The following CACNA1C variants were observed in gnomAD, a reference collection of about 807,000 sequenced individuals.
CACNA1C encodes voltage-dependent L-type calcium channel subunit alpha-1C.
A neutral mutation model predicts 229.0 loss-of-function variants in CACNA1C; 30 were observed. The observed-to-expected ratio is 0.13, with a 90% CI of 0.10 to 0.18. The LOEUF is 0.18. Ranked by LOEUF, CACNA1C falls within the 10% of genes least tolerant of loss-of-function variation. The probability of loss-of-function intolerance (pLI) is 1.00; values close to 1 mark genes in which losing one functional copy is unlikely to be tolerated. For missense variants in CACNA1C, 1,658 were observed against 2,845.0 expected (o/e 0.58, Z 9.49); for synonymous variants, 1,114 against 1,132.5 (o/e 0.98, Z 0.33).
chr12:2,342,530 C>T (rs1174456046), intron 3 of CACNA1C, among the ~76,000 whole-genome samples: 1 of 152,180 alleles, frequency 6.6e-6, no homozygotes, highest in African/African-American at 2.4e-5. Context: ...TAGCACAGTG[C>T]CTGGCACACT....
intron 9 of CACNA1C, among the ~76,000 whole-genome samples, chr12:2,524,814 G>A (rs941608614): frequency 3.9e-5 from 6 of 152,170 alleles, no homozygotes; most frequent in Non-Finnish European, 8.8e-5. Flanking sequence ...TCCCACTTCC[G>A]CCTGACTTCC....
rs1184647871 is a variant in CACNA1C at position 2,633,452 on chromosome 12, C to T, written c.3829-845C>T. 6.6e-6 allele frequency among the ~76,000 whole-genome samples: 1 copy of T among 152,176 alleles called. No homozygotes were observed. Among genetic ancestry groups the T allele is most frequent in the Non-Finnish European group, 1.5e-5 (1 of 68,020 alleles). ...GCGGGCAGTAGGGTTAGAGTGTCGC[C>T]TCCCTGCTGCTCCTTCCTTGCTGGT... On this transcript the variant is annotated intron_variant, in intron 29 of 46. Coordinates refer to ENST00000399655, the MANE Select transcript of CACNA1C (RefSeq NM_000719.7). This position sits in a 1 kb window ranked among gnomAD's most constrained non-coding sequence, Gnocchi z 5.8.
intron 3 of CACNA1C, among the ~76,000 whole-genome samples, chr12:2,253,973 G>C (rs1210828579): frequency 6.6e-6 from 1 of 152,186 alleles, no homozygotes; most frequent in African/African-American, 2.4e-5. Flanking sequence ...AACAGTACTG[G>C]GATCCAGGGG....
intron 1 of CACNA1C, among the ~76,000 whole-genome samples, chr12:2,025,287 G>A (rs1178690037): frequency 6.6e-6 from 1 of 152,220 alleles, no homozygotes; most frequent in African/African-American, 2.4e-5. Context: ...CAGAACATCT[G>A]GAAGAGCTGA....
At chr12:2,149,641 T>A (rs2095049474) in intron 3 of CACNA1C, among the ~76,000 whole-genome samples, 2 of 152,214 alleles carry the variant, frequency 1.3e-5, no homozygotes, top group Non-Finnish European at 2.9e-5. Flanking sequence ...GATTGGGACT[T>A]CCCTTGAGTA....
intron 9 of CACNA1C, among the ~76,000 whole-genome samples, chr12:2,516,222 A>G (rs534219448): frequency 6.6e-6 from 1 of 152,296 alleles, no homozygotes; most frequent in African/African-American, 2.4e-5. Flanking sequence ...GAAGGGGCCA[A>G]TGAGAAGGGG....
chr12:2,655,679 C>A (rs1028712963), intron 34 of CACNA1C, among the ~76,000 whole-genome samples: 5 of 152,300 alleles, frequency 3.3e-5, no homozygotes, highest in Non-Finnish European at 2.9e-5. Flanking sequence ...ATGCACTGGG[C>A]GTCATCCTCA....
chr12:2,349,717 C>T (rs948544713), intron 3 of CACNA1C, among the ~76,000 whole-genome samples: 14 of 152,058 alleles, frequency 9.2e-5, no homozygotes, highest in Non-Finnish European at 2.9e-5. Context: ...TCTGGAGCTA[C>T]GTGAGTTCTC....
In CACNA1C at chr12:2,545,485, G is replaced by A. The variant is rs944259281; in HGVS notation, c.1391-4458G>A. Among the ~76,000 whole-genome samples, 8 of 152,156 alleles carry A rather than the reference G, an allele frequency of 5.3e-5. No individual in the cohort carries two copies. The East Asian group carries it at 5.8e-4, about 11-fold the overall frequency. Reference sequence around the variant, plus strand: ...TGAACCACCACTGTGCCGTACGTTCGTTAGCAATTCCTGGGCCAAATGAGC... The same window carrying A: ...TGAACCACCACTGTGCCGTACGTTCATTAGCAATTCCTGGGCCAAATGAGC... On this transcript the variant is annotated intron_variant, in intron 9 of 46. Coordinates refer to ENST00000399655, the MANE Select transcript of CACNA1C (RefSeq NM_000719.7).
intron 28 of CACNA1C, 84 bp from the exon 29 acceptor site, chr12:2,611,819 C>T: frequency 1.2e-6 from 1 of 818,880 alleles, no homozygotes; most frequent in Non-Finnish European, 2.0e-6. Context: ...GAGGCGAGGG[C>T]CTTCGAGAAG....
At chr12:2,360,156 AC>A (rs796441635) in intron 3 of CACNA1C, among the ~76,000 whole-genome samples, 707 of 57,064 alleles carry the variant, frequency 0.012, 11 homozygotes, top group East Asian at 0.027. Flanking sequence ...AACACACCCC[AC>A]CCCCCCCCAC....
At chr12:2,127,770 C>A (rs553646510) in intron 3 of CACNA1C, among the ~76,000 whole-genome samples, 2 of 152,210 alleles carry the variant, frequency 1.3e-5, no homozygotes, top group African/African-American at 2.4e-5. Context: ...GCCAGAGTTG[C>A]AGGCACTGAC....
intron 10 of CACNA1C, among the ~76,000 whole-genome samples, chr12:2,552,588 G>T (rs1325918460): frequency 6.6e-6 from 1 of 152,146 alleles, no homozygotes; most frequent in East Asian, 1.9e-4. Context: ...GCTCCTGAAG[G>T]ATCACTGCGA....
intron 28 of CACNA1C, 49 bp from the exon 29 acceptor site, chr12:2,611,854 A>G: frequency 8.4e-7 from 1 of 1,194,070 alleles, no homozygotes; most frequent in East Asian, 2.4e-5. Context: ...GGGGAGGAGG[A>G]GCGACCTCCC....
At chr12:2,228,890 A>G (rs2063837528) in intron 3 of CACNA1C, among the ~76,000 whole-genome samples, 1 of 152,196 alleles carries the variant, frequency 6.6e-6, no homozygotes, top group African/African-American at 2.4e-5. Context: ...TAACATCTCT[A>G]ACAGTGAGTG....
rs532766097 is a variant in CACNA1C, at chr12:2,597,015, C to T, written c.2794-215C>T. Among the ~76,000 whole-genome samples the T allele has an allele frequency of 6.6e-6, 1 of 152,172 alleles. No individual in the cohort carries two copies. The highest frequency in any genetic ancestry group is 6.5e-5 in the Admixed American group (1 of 15,286). On this transcript the variant is annotated intron_variant, in intron 20 of 46. Coordinates refer to ENST00000399655, the MANE Select transcript of CACNA1C (RefSeq NM_000719.7). This position sits in a 1 kb window ranked among gnomAD's most constrained non-coding sequence, Gnocchi z 4.3. Reference sequence around the variant, plus strand: ...CTTATCTGGGGGCTTCAAGGGAAGCCGCTGTGCTGCCTGAGGCTAGCCCCG... The same window carrying T: ...CTTATCTGGGGGCTTCAAGGGAAGCTGCTGTGCTGCCTGAGGCTAGCCCCG...
intron 18 of CACNA1C, among the ~76,000 whole-genome samples, chr12:2,586,958 CGACGTACTA>C (rs1555837946): frequency 6.6e-6 from 1 of 152,160 alleles, no homozygotes; most frequent in Non-Finnish European, 1.5e-5. Flanking sequence ...GGAATTTCAA[CGACGTACTA>C]GAATTATTGA....
At chr12:2,235,961 C>G (rs2067200293) in intron 3 of CACNA1C, among the ~76,000 whole-genome samples, 1 of 152,156 alleles carries the variant, frequency 6.6e-6, no homozygotes, top group African/African-American at 2.4e-5. Context: ...TAGGCATTAC[C>G]ATTGTCCCTG....
intron 14 of CACNA1C, 51 bp downstream of exon 14, chr12:2,581,848 G>T: frequency 8.6e-7 from 1 of 1,163,578 alleles, no homozygotes; most frequent in Non-Finnish European, 1.3e-6. Context: ...TGAGTGGCGG[G>T]GTGGTGGGAG....
Sources: allele counts gnomAD v4.1 joint callset (sites outside exome capture counted in the v4.1 genomes callset), GRCh38; gene constraint gnomAD v4.1.1; non-coding constraint Gnocchi (gnomAD v3.1); transcripts MANE v1.5; gene names NCBI Gene and HGNC (gene_info 2026-07-23, HGNC 2026-07-21).